Variants in ITSN2 observed in about 807,000 individuals in gnomAD.
ITSN2 encodes the protein intersectin 2.
In ITSN2, 156 loss-of-function variants were observed where a neutral mutation model predicts 243.7. The observed-to-expected ratio is 0.64, with a 90% CI of 0.56 to 0.73. ITSN2 has a LOEUF of 0.73. Among genes scored for constraint, ITSN2 ranks in the 30% least tolerant of loss-of-function variants. The pLI, the probability that ITSN2 is intolerant of heterozygous loss-of-function variation, is 0.00. For missense variants in ITSN2, 1,801 were observed against 1,996.1 expected, an observed-to-expected ratio of 0.90 and a Z score of 1.86; for synonymous variants, 703 against 699.9, an observed-to-expected ratio of 1.00 and a Z score of -0.07.
intron 2 of ITSN2, among the ~76,000 whole-genome samples, chr2:24,315,919 T>C (rs1433720853): frequency 6.6e-6 from 1 of 152,212 alleles, no homozygotes; most frequent in Non-Finnish European, 1.5e-5. Context: ...TAGTTCTTTA[T>C]AGCAGTGTGA....
At chr2:24,226,190 T>C (rs1161907317) in intron 29 of ITSN2, among the ~76,000 whole-genome samples, 2 of 152,166 alleles carry the variant, frequency 1.3e-5, no homozygotes, top group Non-Finnish European at 2.9e-5. Flanking sequence ...GATAGAATAT[T>C]GTGTTGGTCC....
rs1327079089 is a variant in ITSN2 at position 24,232,664 on chromosome 2, G to A, written c.3578-11598C>T. The stretch of plus-strand genomic sequence containing the variant: ...ATTTTCAAACCCTGATCAATCCTCC[G>A]AATAACTGATAACAGCTCTGACCCC... On this transcript the variant is annotated intron_variant, in intron 29 of 39. Coordinates refer to ENST00000355123, the MANE Select transcript of ITSN2 (RefSeq NM_006277.3). Among the ~76,000 whole-genome samples, 3 of 152,128 alleles carry A rather than the reference G, an allele frequency of 2.0e-5. No homozygotes were observed. In the East Asian group the frequency reaches 5.8e-4, roughly 29 times the overall value.
At chr2:24,276,216 T>C (rs1284861458) in intron 17 of ITSN2, among the ~76,000 whole-genome samples, 1 of 152,260 alleles carries the variant, frequency 6.6e-6, no homozygotes, top group Non-Finnish European at 1.5e-5. Flanking sequence ...TGTTCAGTCA[T>C]GTTTTTGACA....
At chr2:24,279,065 T>C (rs567190764) in intron 17 of ITSN2, among the ~76,000 whole-genome samples, 2 of 152,358 alleles carry the variant, frequency 1.3e-5, no homozygotes, top group African/African-American at 4.8e-5. Context: ...TATTAAATTT[T>C]ATCAAAAACC....
intron 15 of ITSN2, among the ~76,000 whole-genome samples, chr2:24,288,264 G>A (rs998611732): frequency 9.2e-5 from 14 of 151,840 alleles, no homozygotes; most frequent in African/African-American, 2.2e-4. Flanking sequence ...ACCATTTATC[G>A]AAGAGGCTAC....
chr2:24,283,537 GCA>G (rs1185464973), intron 17 of ITSN2, among the ~76,000 whole-genome samples: 1 of 152,138 alleles, frequency 6.6e-6, no homozygotes, highest in Non-Finnish European at 1.5e-5. Flanking sequence ...ATATTTTTTA[GCA>G]CTATGTTAAC....
At chr2:24,331,112 C>T (rs1407302131) in intron 1 of ITSN2, among the ~76,000 whole-genome samples, 2 of 143,712 alleles carry the variant, frequency 1.4e-5, no homozygotes, top group Non-Finnish European at 3.0e-5. Flanking sequence ...GCTCTTGTTG[C>T]TCAAGCTGGA....
intron 19 of ITSN2, among the ~76,000 whole-genome samples, chr2:24,271,363 T>C (rs1406079033): frequency 1.3e-5 from 2 of 152,216 alleles, no homozygotes; most frequent in African/African-American, 2.4e-5. Context: ...AAAGGGTTCA[T>C]GTATCTAAAA....
At chr2:24,205,436 C>T in intron 37 of ITSN2, 139 bp from the exon 38 acceptor site, 1 of 666,760 alleles carries the variant, frequency 1.5e-6, no homozygotes, top group South Asian at 1.7e-5. Flanking sequence ...TCTGGCTGCC[C>T]TGTGCCTTTC....
At position 24,203,527 on chromosome 2, in the gene ITSN2, G is replaced by A. The variant is rs926960324; in HGVS notation, c.*99C>T. 8.1e-7 allele frequency: 1 copy of A among 1,232,208 alleles called. No homozygotes were observed. The highest frequency in any genetic ancestry group is 1.5e-5 in the African/African-American group (1 of 65,870). The allele number at this position is 1,232,208 out of a possible 1,614,324, so 76.3% of individuals were successfully genotyped here. The stretch of plus-strand genomic sequence containing the variant: ...CAGCGTGCATGGCTTTGTGAGGGGT[G>A]AAGCTGCATGGTGCTCCCTCAGCCC... On this transcript the variant is annotated 3_prime_UTR_variant, in exon 40 of 40. Transcript: ENST00000355123.
At chr2:24,290,339 A>C (rs1574170284) in intron 15 of ITSN2, among the ~76,000 whole-genome samples, 1 of 152,186 alleles carries the variant, frequency 6.6e-6, no homozygotes, top group South Asian at 2.1e-4. Flanking sequence ...GTTTCTGGCC[A>C]GAGTCTTGAA....
intron 1 of ITSN2, chr2:24,334,374 T>C: frequency 2.7e-6 from 1 of 364,238 alleles, no homozygotes; most frequent in South Asian, 2.4e-5. Flanking sequence ...TTTGTATTTT[T>C]AGTAGAGATG....
intron 17 of ITSN2, among the ~76,000 whole-genome samples, chr2:24,277,994 T>C (rs1036868903): frequency 6.6e-6 from 1 of 152,206 alleles, no homozygotes; most frequent in African/African-American, 2.4e-5. Context: ...AGAGTTGTTG[T>C]GAGGATAAAA....
intron 3 of ITSN2, among the ~76,000 whole-genome samples, 176 bp downstream of exon 3, chr2:24,314,956 C>A (rs1683728109): frequency 6.6e-6 from 1 of 152,080 alleles, no homozygotes; most frequent in Admixed American, 6.6e-5. Context: ...TTTAAAACAA[C>A]AAATTAAGAC....
At chr2:24,230,701 G>C (rs1573937432) in intron 29 of ITSN2, among the ~76,000 whole-genome samples, 2 of 152,142 alleles carry the variant, frequency 1.3e-5, no homozygotes, top group Admixed American at 1.3e-4. Context: ...CCAGGAGGCA[G>C]AGGTTGCAGT....
At chr2:24,247,054 T>G (rs1286412101) in intron 27 of ITSN2, among the ~76,000 whole-genome samples, 161 bp from the exon 28 acceptor site, 1 of 152,250 alleles carries the variant, frequency 6.6e-6, no homozygotes. Context: ...AAGTAATCTC[T>G]AAATCCTTGG....
chr2:24,351,464 G>T (rs1291415499), intron 1 of ITSN2, among the ~76,000 whole-genome samples: 1 of 152,140 alleles, frequency 6.6e-6, no homozygotes, highest in Non-Finnish European at 1.5e-5. Flanking sequence ...GTACTTCCTA[G>T]CTTTGTGGAC....
chr2:24,322,076 T>A (rs1456519210), intron 2 of ITSN2, among the ~76,000 whole-genome samples: 1 of 152,152 alleles, frequency 6.6e-6, no homozygotes, highest in Non-Finnish European at 1.5e-5. Context: ...GATGCTCATG[T>A]TCCTTCTAAT....
chr2:24,322,178 C>T (rs980916439), intron 2 of ITSN2, among the ~76,000 whole-genome samples: 1 of 152,144 alleles, frequency 6.6e-6, no homozygotes, highest in Admixed American at 6.6e-5. Context: ...ATAGCTAACA[C>T]TTAATGAAAC....
Sources: gnomAD v4.1 joint callset for allele counts (sites outside exome capture counted in the v4.1 genomes callset) on GRCh38, gnomAD v4.1.1 for gene constraint, MANE v1.5 for transcripts, NCBI Gene and HGNC (gene_info 2026-07-23, HGNC 2026-07-21) for gene names.